Variants in CCDC30 observed in about 807,000 individuals in gnomAD.
CCDC30 encodes coiled-coil domain-containing protein 30.
A neutral mutation model predicts 100.2 loss-of-function variants in CCDC30; 70 were observed. That is an observed-to-expected ratio of 0.70 (90% CI 0.58 to 0.85). The LOEUF (loss-of-function observed/expected upper bound fraction) is 0.85. Among genes scored for constraint, CCDC30 ranks in the 40% least tolerant of loss-of-function variants. The probability of loss-of-function intolerance (pLI) is 0.00; values close to 1 mark genes in which losing one functional copy is unlikely to be tolerated. For synonymous variants in CCDC30, 233 were observed against 269.5 expected, an observed-to-expected ratio of 0.86 and a Z score of 1.33; for missense variants, 652 against 771.2, an observed-to-expected ratio of 0.85 and a Z score of 1.83.
At chr1:42,637,579 T>C (rs1400802375) in intron 12 of CCDC30, among the ~76,000 whole-genome samples, 3 of 152,242 alleles carry the variant, frequency 2.0e-5, no homozygotes, top group East Asian at 3.8e-4. Context: ...CTACACGGAA[T>C]TGAATACTGA....
intron 6 of CCDC30, among the ~76,000 whole-genome samples, chr1:42,505,540 T>C (rs146636689): frequency 9.2e-5 from 14 of 152,362 alleles, no homozygotes; most frequent in African/African-American, 3.1e-4. Flanking sequence ...GACCATGTTG[T>C]TTGTAGAATA....
At chr1:42,545,152 A>G (rs1409406582) in intron 6 of CCDC30, among the ~76,000 whole-genome samples, 1 of 126,856 alleles carries the variant, frequency 7.9e-6, no homozygotes, top group African/African-American at 2.8e-5. Context: ...CCAGAGTCCA[A>G]AAATACCTTT....
Position 42,510,092 on chromosome 1 carries a change from T to C in CCDC30, c.456+11176T>C, listed in dbSNP as rs145848329. ...GAATTGGAGGAGCTGACAATGTAGA[T>C]GGTGGGCAGGAAGAACCAGGGCATC... On this transcript the variant is annotated intron_variant, in intron 6 of 16. Transcript: ENST00000668663. The C allele has an allele frequency of 4.6e-4, 454 of 985,384 alleles. No homozygotes were observed. In the African/African-American group the frequency reaches 6.2e-3, roughly 13 times the overall value. 61.0% of individuals were successfully genotyped at this position (985,384 alleles called of 1,614,324 possible). A position where few individuals can be genotyped will look rare whatever the true frequency, so the allele number is the denominator to read the frequency against.
upstream of CCDC30, chr1:42,460,195 C>T (rs2148422346): frequency 8.8e-7 from 1 of 1,139,996 alleles, no homozygotes. Flanking sequence ...TACATGGGGG[C>T]CTGAATGTCA....
intron 6 of CCDC30, among the ~76,000 whole-genome samples, chr1:42,515,266 G>C (rs962524266): frequency 1.3e-5 from 2 of 151,104 alleles, no homozygotes; most frequent in African/African-American, 4.9e-5. Flanking sequence ...GTCAAGAAAT[G>C]ATGCTACCCA....
At chr1:42,501,711 G>A (rs1644315330) in intron 6 of CCDC30, among the ~76,000 whole-genome samples, 1 of 152,152 alleles carries the variant, frequency 6.6e-6, no homozygotes, top group Non-Finnish European at 1.5e-5. Flanking sequence ...GGAGTTTGCT[G>A]GAGGTCCACT....
chr1:42,494,500 C>T (rs1273671285), intron 4 of CCDC30, among the ~76,000 whole-genome samples: 1 of 152,126 alleles, frequency 6.6e-6, no homozygotes, highest in Non-Finnish European at 1.5e-5. Context: ...CCAAAATTGA[C>T]AAATGGGATC....
At chr1:42,600,125 C>T (rs1019138160) in intron 10 of CCDC30, among the ~76,000 whole-genome samples, 3 of 152,084 alleles carry the variant, frequency 2.0e-5, no homozygotes, top group East Asian at 1.9e-4. Context: ...CTTCAACACT[C>T]GGGATCACAA....
intron 13 of CCDC30, among the ~76,000 whole-genome samples, chr1:42,643,516 A>G (rs1364806306): frequency 6.6e-6 from 1 of 152,184 alleles, no homozygotes; most frequent in Non-Finnish European, 1.5e-5. Flanking sequence ...TCAAACTGTC[A>G]TAGCTTCTGA....
Position 42,611,101 on chromosome 1 carries a change from A to AC in CCDC30, c.1277+12dup. ...TAATGTCCATGTGAGGTAAACAAAG[A>AC]CAAGTTCTCTTTGGAAGAAAACTAT... On this transcript the variant is annotated intron_variant, in intron 11 of 16. Coordinates refer to ENST00000668663, the Ensembl canonical transcript of CCDC30. 1 of 1,488,342 alleles carries AC rather than the reference A, an allele frequency of 6.7e-7. No homozygotes were observed. The highest frequency in any genetic ancestry group is 9.4e-7 in the Non-Finnish European group (1 of 1,065,882). 92.2% of individuals were successfully genotyped at this position (1,488,342 alleles called of 1,614,324 possible).
At chr1:42,566,538 T>C in intron 7 of CCDC30, 63 bp downstream of exon 11, 1 of 1,325,780 alleles carries the variant, frequency 7.5e-7, no homozygotes, top group Non-Finnish European at 1.1e-6. Flanking sequence ...TAAACGAATC[T>C]AAGTTCCTCT....
chr1:42,516,571 C>CAAAAAA (rs61638436), intron 6 of CCDC30, among the ~76,000 whole-genome samples: 1 of 102,156 alleles, frequency 9.8e-6, no homozygotes. Flanking sequence ...GACTCCATCT[C>CAAAAAA]AAAAAAAAAA....
chr1:42,653,501 C>A, intron 16 of CCDC30, 58 bp downstream of exon 20: 10 of 1,107,628 alleles, frequency 9.0e-6, no homozygotes, highest in Non-Finnish European at 1.1e-5. Context: ...GTCAGCCATG[C>A]CTGAGAGTCA....
At chr1:42,556,543 T>A in intron 6 of CCDC30, 138 bp downstream of exon 10, 1 of 917,062 alleles carries the variant, frequency 1.1e-6, no homozygotes, top group South Asian at 2.4e-5. Context: ...TGTGTATTTA[T>A]GGAGTACATG....
chr1:42,607,622 T>C (rs1344813140), intron 10 of CCDC30, among the ~76,000 whole-genome samples: 1 of 149,462 alleles, frequency 6.7e-6, no homozygotes, highest in African/African-American at 2.5e-5. Context: ...TGCTGAACAG[T>C]TTTTGAATGT....
rs1395491129 is a variant in CCDC30 at position 42,536,460 on chromosome 1, A to G, written c.457-29836A>G. 7 of 1,523,040 alleles carry G rather than the reference A, an allele frequency of 4.6e-6. No homozygotes were observed. The Admixed American group carries it at 9.0e-5, about 20-fold the overall frequency. The allele number at this position is 1,523,040 out of a possible 1,614,324, so 94.3% of individuals were successfully genotyped here. On this transcript the variant is annotated intron_variant, in intron 6 of 16. Coordinates refer to ENST00000668663, the Ensembl canonical transcript of CCDC30. ...CTATTATATATAAAATTAATTATGTAAAATGCTTTTTACAGATCCTGAAAA... is the reference window on the plus strand; with the variant it reads ...CTATTATATATAAAATTAATTATGTGAAATGCTTTTTACAGATCCTGAAAA...
At chr1:42,531,050 TA>T (rs1439480668) in intron 6 of CCDC30, among the ~76,000 whole-genome samples, 1 of 152,234 alleles carries the variant, frequency 6.6e-6, no homozygotes, top group Non-Finnish European at 1.5e-5. Flanking sequence ...TAATATTAAA[TA>T]AAAACCCCAA....
At chr1:42,561,105 A>G (rs1181558400) in intron 6 of CCDC30, among the ~76,000 whole-genome samples, 1 of 152,264 alleles carries the variant, frequency 6.6e-6, no homozygotes, top group African/African-American at 2.4e-5. Context: ...AACTCATTTT[A>G]TTAAGCCAGC....
At chr1:42,611,726 G>T (rs1459009584) in intron 11 of CCDC30, among the ~76,000 whole-genome samples, 1 of 152,076 alleles carries the variant, frequency 6.6e-6, no homozygotes, top group Non-Finnish European at 1.5e-5. Context: ...ACCCAGGCTG[G>T]AGTGGAGTGT....
Sources: gnomAD v4.1 joint callset for allele counts (sites outside exome capture counted in the v4.1 genomes callset) on GRCh38, gnomAD v4.1.1 for gene constraint, MANE v1.5 for transcripts, NCBI Gene and HGNC (gene_info 2026-07-23, HGNC 2026-07-21) for gene names.